Variants in C1QTNF9 observed in about 807,000 individuals in gnomAD.
C1QTNF9 encodes C1q and TNF related 9.
C1QTNF9 carries 6 observed loss-of-function variants against 10.1 expected under a neutral mutation model. The ratio of observed to expected loss-of-function variants is 0.59; its 90% CI spans 0.32 to 1.17. The LOEUF (loss-of-function observed/expected upper bound fraction) is 1.17. Among genes scored for constraint, C1QTNF9 ranks in the 50% most tolerant of loss-of-function variants. The pLI, the probability that C1QTNF9 is intolerant of heterozygous loss-of-function variation, is 0.04. For missense variants in C1QTNF9, 201 were observed against 418.8 expected (o/e 0.48, Z 4.54); for synonymous variants, 98 against 163.5 (o/e 0.60, Z 3.06).
rs950023568 is a variant in C1QTNF9, at chr13:24,315,873, G to T, written c.-22-109G>T. The T allele has an allele frequency of 2.3e-5, 27 of 1,188,460 alleles. 2 individuals are homozygous for T. The highest frequency in any genetic ancestry group is 3.2e-5 in the Non-Finnish European group (27 of 838,206). 73.6% of individuals were successfully genotyped at this position (1,188,460 alleles called of 1,614,324 possible). Reference sequence around the variant, plus strand: ...TCTGTCCAAGTTTGTGCAGGTGTGGGTCTGGGGCAGGGGACAGCTCATCCA... The same window carrying T: ...TCTGTCCAAGTTTGTGCAGGTGTGGTTCTGGGGCAGGGGACAGCTCATCCA... On this transcript the variant is annotated intron_variant, in intron 1 of 3. Transcript: ENST00000332018.
upstream of C1QTNF9, among the ~76,000 whole-genome samples, chr13:24,308,283 G>C (rs1322245468): frequency 6.6e-6 from 1 of 152,224 alleles, no homozygotes; most frequent in Non-Finnish European, 1.5e-5. Context: ...TCCCCAGCAG[G>C]AGGTCGGGGA....
chr13:24,313,136 GA>G (rs1877899962), intron 1 of C1QTNF9, among the ~76,000 whole-genome samples: 1 of 152,154 alleles, frequency 6.6e-6, no homozygotes, highest in Admixed American at 6.6e-5. Context: ...AAATAAAACA[GA>G]AATAGTGGCA....
upstream of C1QTNF9, among the ~76,000 whole-genome samples, chr13:24,307,866 CA>C (rs1877657961): frequency 6.6e-6 from 1 of 152,238 alleles, no homozygotes; most frequent in Non-Finnish European, 1.5e-5. Flanking sequence ...TGGGCCGCAG[CA>C]GCCCCGGAGG....
intron 1 of C1QTNF9, chr13:24,315,762 T>G: frequency 1.8e-6 from 1 of 549,734 alleles, no homozygotes; most frequent in Non-Finnish European, 3.2e-6. Flanking sequence ...CCCGTTCACC[T>G]TGAAGAGTGG....
At chr13:24,307,406 C>T (rs1343585066), upstream of C1QTNF9, among the ~76,000 whole-genome samples, 1 of 152,238 alleles carries the variant, frequency 6.6e-6, no homozygotes, top group Non-Finnish European at 1.5e-5. Flanking sequence ...CCCCTGAAGG[C>T]TAGGCCCTGC....
chr13:24,307,729 C>G (rs1974333), upstream of C1QTNF9, among the ~76,000 whole-genome samples: 149,056 of 152,338 alleles, frequency 0.98, 72,999 homozygotes, highest in East Asian at 1. Context: ...ATGTATAGGA[C>G]ACAGTGAAAG....
At chr13:24,309,281 T>TA (rs1877720685), upstream of C1QTNF9, among the ~76,000 whole-genome samples, 8 of 77,468 alleles carry the variant, frequency 1.0e-4, no homozygotes, top group South Asian at 7.6e-4. Flanking sequence ...GAACTTAAAG[T>TA]ATTATATATA....
chr13:24,314,363 C>G (rs1343267146), intron 1 of C1QTNF9, among the ~76,000 whole-genome samples: 3 of 150,102 alleles, frequency 2.0e-5, no homozygotes, highest in Admixed American at 6.6e-5. Context: ...CAGAGTGAGA[C>G]CCAGTCTCTC....
At position 24,311,942 on chromosome 13, in the gene C1QTNF9, T is replaced by A. The variant is rs77586315; in HGVS notation, c.-23+2326T>A. On this transcript the variant is annotated intron_variant, in intron 1 of 3. Coordinates refer to ENST00000332018, the Ensembl canonical transcript of C1QTNF9. ...GCCGGTCATTGCACACAATTACACG[T>A]CTCACTTTTGCTCATCCCCATGGCC... is the stretch of plus-strand genomic sequence containing the variant. Among the ~76,000 whole-genome samples, 1,016 of 152,268 alleles carry A rather than the reference T, an allele frequency of 6.7e-3. 13 individuals carry two copies. Among genetic ancestry groups the A allele is most frequent in the African/African-American group, 0.023 (942 of 41,536 alleles).
chr13:24,309,283 T>TTATATA (rs72150411), upstream of C1QTNF9, among the ~76,000 whole-genome samples: 276 of 68,274 alleles, frequency 4.0e-3, 38 homozygotes, highest in African/African-American at 0.011. Context: ...ACTTAAAGTA[T>TTATATA]TATATATATA....
At chr13:24,310,812 T>G (rs894598986) in intron 1 of C1QTNF9, among the ~76,000 whole-genome samples, 12 of 147,860 alleles carry the variant, frequency 8.1e-5, no homozygotes, top group African/African-American at 3.0e-4. Context: ...CGCGGGAGGC[T>G]GAGGCAGGAG....
upstream of C1QTNF9, among the ~76,000 whole-genome samples, chr13:24,309,283 TTATA>T (rs72150411): frequency 0.42 from 28,330 of 67,942 alleles, 5,981 homozygotes; most frequent in East Asian, 0.54. Flanking sequence ...ACTTAAAGTA[TTATA>T]TATATATATA....
chr13:24,312,947 T>G (rs1278251498), intron 1 of C1QTNF9, among the ~76,000 whole-genome samples: 2 of 126,880 alleles, frequency 1.6e-5, no homozygotes, highest in Admixed American at 8.9e-5. Flanking sequence ...AGAGCGAGAC[T>G]CTATCTCAAA....
chr13:24,321,392 C>T (rs557592254), exon 4 of C1QTNF9: 46 of 1,605,184 alleles, frequency 2.9e-5, no homozygotes, highest in Admixed American at 1.9e-4. Flanking sequence ...GTGGGGCTCA[C>T]GGTGCTGAGC....
intron 2 of C1QTNF9, among the ~76,000 whole-genome samples, chr13:24,317,533 T>C (rs1878088301): frequency 6.6e-6 from 1 of 152,080 alleles, no homozygotes; most frequent in Non-Finnish European, 1.5e-5. Context: ...ATAGGTATTA[T>C]ATATAATATA....
chr13:24,311,002 G>T (rs543352872), intron 1 of C1QTNF9, among the ~76,000 whole-genome samples: 1 of 151,978 alleles, frequency 6.6e-6, no homozygotes, highest in Non-Finnish European at 1.5e-5. Context: ...TTCGATGAAG[G>T]CAGCCTAGAG....
upstream of C1QTNF9, among the ~76,000 whole-genome samples, chr13:24,309,104 C>G (rs1877714983): frequency 6.6e-6 from 1 of 151,706 alleles, no homozygotes; most frequent in South Asian, 2.1e-4. Context: ...CAGTTAGCAG[C>G]CTTCAGTTTT....
chr13:24,321,665 A>G, exon 4 of C1QTNF9: 1 of 1,614,178 alleles, frequency 6.2e-7, no homozygotes, highest in Non-Finnish European at 8.5e-7. Flanking sequence ...CTCGGGGATG[A>G]GGTGTGGCTG....
At chr13:24,312,312 A>G (rs1593531229) in intron 1 of C1QTNF9, among the ~76,000 whole-genome samples, 1 of 152,212 alleles carries the variant, frequency 6.6e-6, no homozygotes, top group African/African-American at 2.4e-5. Flanking sequence ...AGTGATCATT[A>G]GTCTAGGTGT....
Sources: allele counts gnomAD v4.1 joint callset (sites outside exome capture counted in the v4.1 genomes callset), GRCh38; gene constraint gnomAD v4.1.1; transcripts MANE v1.5; gene names NCBI Gene and HGNC (gene_info 2026-07-23, HGNC 2026-07-21).